The following WWOX variants were observed in gnomAD, a reference collection of about 807,000 sequenced individuals.
WWOX encodes the protein WW domain containing oxidoreductase, also known as WW domain-containing oxidoreductase.
A neutral mutation model predicts 46.2 loss-of-function variants in WWOX; 69 were observed. The observed-to-expected ratio is 1.49, with a 90% CI of 1.23 to 1.82. The LOEUF (loss-of-function observed/expected upper bound fraction) is 1.82, where lower values mean the gene tolerates loss of function less well. WWOX is among the 40% of genes most tolerant of loss of function. The probability of loss-of-function intolerance (pLI) is 0.00; values close to 1 mark genes in which losing one functional copy is unlikely to be tolerated. For synonymous variants in WWOX, 359 were observed against 202.6 expected (o/e 1.77, Z -6.56); for missense variants, 919 against 542.6 (o/e 1.69, Z -6.89).
chr16:78,115,753 G>A (rs1395563756), intron 4 of WWOX, among the ~76,000 whole-genome samples: 3 of 152,136 alleles, frequency 2.0e-5, no homozygotes, highest in African/African-American at 7.2e-5. Context: ...CAGGAGCAAG[G>A]CGGGAGCAAA....
chr16:78,541,731 C>CAGTTACA (rs1237296836), intron 8 of WWOX, among the ~76,000 whole-genome samples: 4 of 151,774 alleles, frequency 2.6e-5, no homozygotes, highest in Non-Finnish European at 5.9e-5. Context: ...TGTAAGGTGG[C>CAGTTACA]AGTTACAATA....
chr16:78,130,206 A>G (rs2033533718), intron 4 of WWOX: 1 of 152,222 alleles, frequency 6.6e-6, no homozygotes, highest in Admixed American at 6.5e-5. Context: ...TCCTTATAGC[A>G]GCATGAAAAC....
chr16:78,942,208 G>C (rs13333234), intron 8 of WWOX, among the ~76,000 whole-genome samples: 2 of 152,040 alleles, frequency 1.3e-5, no homozygotes, highest in African/African-American at 4.8e-5. Flanking sequence ...TAGTTAAAGA[G>C]TTTGGTATAG....
chr16:78,581,109 A>C (rs2045041163), intron 8 of WWOX, among the ~76,000 whole-genome samples: 1 of 152,098 alleles, frequency 6.6e-6, no homozygotes, highest in African/African-American at 2.4e-5. Flanking sequence ...TTCTGTTCTT[A>C]ATCATTGTTG....
Position 78,721,875 on chromosome 16 carries a change from C to T in WWOX, c.1056+289123C>T, listed in dbSNP as rs61391596. Among the ~76,000 whole-genome samples the T allele has an allele frequency of 7.3e-4, 111 of 152,322 alleles. 1 individual carries two copies. The highest frequency in any genetic ancestry group is 6.8e-3 in the Middle Eastern group (2 of 294). ...GGTTGGCAGAGCAAACGCACACGTG[C>T]GTAGGAGCTGGAATTGTCGATAATG... is the stretch of plus-strand genomic sequence containing the variant. On this transcript the variant is annotated intron_variant, in intron 8 of 8. Transcript: ENST00000566780.
chr16:78,759,300 G>A (rs545251901), intron 8 of WWOX, among the ~76,000 whole-genome samples: 17 of 152,324 alleles, frequency 1.1e-4, no homozygotes, highest in African/African-American at 3.8e-4. Context: ...TGCTTGGTGA[G>A]AAATGAATTC....
chr16:78,104,762 A>G (rs1299324666), intron 1 of WWOX, among the ~76,000 whole-genome samples: 1 of 152,196 alleles, frequency 6.6e-6, no homozygotes, highest in Non-Finnish European at 1.5e-5. Flanking sequence ...ACATCTTTTA[A>G]TTAATTTTTA....
intron 8 of WWOX, among the ~76,000 whole-genome samples, chr16:79,093,438 G>GATTT (rs1174287917): frequency 6.6e-6 from 1 of 152,122 alleles, no homozygotes; most frequent in Admixed American, 6.5e-5. Context: ...TTTTCTGTTT[G>GATTT]ATTTAGATAG....
intron 8 of WWOX, among the ~76,000 whole-genome samples, chr16:78,929,375 C>T (rs76270030): frequency 1.3e-5 from 2 of 151,736 alleles, no homozygotes; most frequent in South Asian, 2.1e-4. Flanking sequence ...CTCCTGCTTG[C>T]CTTATTTTTA....
intron 8 of WWOX, among the ~76,000 whole-genome samples, chr16:78,924,042 T>A (rs186086574): frequency 6.6e-6 from 1 of 152,144 alleles, no homozygotes; most frequent in Admixed American, 6.5e-5. Flanking sequence ...GGTTTTGATA[T>A]CCTGATTTCG....
intron 4 of WWOX, among the ~76,000 whole-genome samples, chr16:78,162,334 T>C (rs2034821698): frequency 6.6e-6 from 1 of 152,222 alleles, no homozygotes. Context: ...CTTCTAAAAC[T>C]ATCTGCAGTT....
At chr16:78,827,242 A>T (rs1399265462) in intron 8 of WWOX, among the ~76,000 whole-genome samples, 1 of 152,188 alleles carries the variant, frequency 6.6e-6, no homozygotes, top group Non-Finnish European at 1.5e-5. Context: ...GTGAGAGCAG[A>T]TGTTAATTGC....
At chr16:78,374,379 T>C (rs2081765978) in intron 5 of WWOX, among the ~76,000 whole-genome samples, 1 of 152,100 alleles carries the variant, frequency 6.6e-6, no homozygotes, top group South Asian at 2.1e-4. Context: ...ACTTCACTTG[T>C]TAGTGTTGTT....
At chr16:78,396,399 A>C (rs1447375014) in intron 6 of WWOX, among the ~76,000 whole-genome samples, 1 of 152,210 alleles carries the variant, frequency 6.6e-6, no homozygotes, top group African/African-American at 2.4e-5. Context: ...ACCAATGTTC[A>C]CAAAATAAAC....
chr16:78,322,771 A>G (rs563484712), intron 5 of WWOX, among the ~76,000 whole-genome samples: 9 of 152,362 alleles, frequency 5.9e-5, no homozygotes, highest in African/African-American at 1.4e-4. Flanking sequence ...GTCTTTTGCA[A>G]CTGTTCCACT....
intron 8 of WWOX, among the ~76,000 whole-genome samples, chr16:78,851,921 C>G (rs1324463559): frequency 2.0e-5 from 3 of 152,182 alleles, no homozygotes; most frequent in African/African-American, 4.8e-5. Context: ...TGCCCATCTT[C>G]AGCATCATTG....
rs186472382 is a variant in WWOX, at chr16:78,933,053, G to A, written c.1057-278555G>A. 1.6e-4 allele frequency among the ~76,000 whole-genome samples: 24 copies of A among 152,300 alleles called. No homozygotes were observed. The South Asian group carries it at 1.7e-3, about 11-fold the overall frequency. On this transcript the variant is annotated intron_variant, in intron 8 of 8. Coordinates refer to ENST00000566780, the MANE Select transcript of WWOX (RefSeq NM_016373.4). ...AAGAGTTTCTATGAGACAGAGGGCT[G>A]GACTGGGGGAGCAAGGCTTGCAAAT...
intron 8 of WWOX, among the ~76,000 whole-genome samples, chr16:79,028,845 A>T (rs2047697514): frequency 6.6e-6 from 1 of 151,686 alleles, no homozygotes; most frequent in Non-Finnish European, 1.5e-5. Context: ...CCTATATCAC[A>T]AAAGCATTCT....
chr16:78,842,824 C>G (rs938926970), intron 8 of WWOX, among the ~76,000 whole-genome samples: 1 of 150,480 alleles, frequency 6.6e-6, no homozygotes, highest in Non-Finnish European at 1.5e-5. Context: ...TGCACACCAG[C>G]CGGGGGTGAC....
Sources: gnomAD v4.1 joint callset for allele counts (sites outside exome capture counted in the v4.1 genomes callset) on GRCh38, gnomAD v4.1.1 for gene constraint, MANE v1.5 for transcripts, NCBI Gene and HGNC (gene_info 2026-07-23, HGNC 2026-07-21) for gene names.